Variants in C3 observed in about 807,000 individuals in gnomAD.
C3 encodes the protein C3 and PZP-like alpha-2-macroglobulin domain-containing protein 1.
In C3, 97 loss-of-function variants were observed where a neutral mutation model predicts 207.9. That is an observed-to-expected ratio of 0.47 (90% confidence interval 0.40 to 0.55). The LOEUF is 0.55. Among genes scored for constraint, C3 ranks in the 20% least tolerant of loss-of-function variants. The probability of loss-of-function intolerance (pLI) is 0.00; values close to 1 mark genes in which losing one functional copy is unlikely to be tolerated. For missense variants in C3, 1,684 were observed against 2,171.7 expected (o/e 0.78, Z 4.46); for synonymous variants, 848 against 857.6 (o/e 0.99, Z 0.20).
intron 19 of C3, among the ~76,000 whole-genome samples, chr19:6,701,316 A>T (rs748710463): frequency 9.9e-5 from 15 of 152,254 alleles, no homozygotes; most frequent in South Asian, 2.1e-4. Flanking sequence ...TGCTAATGAG[A>T]CATGCCACGT....
rs551325512 is a variant in C3, at chr19:6,678,690, T to C, written c.4631-235A>G. Among the ~76,000 whole-genome samples, 132 of 152,138 alleles carry C rather than the reference T, an allele frequency of 8.7e-4. 1 individual carries two copies. The highest frequency in any genetic ancestry group is 3.4e-3 in the Middle Eastern group (1 of 294). ...GCACAGAGGTCACAGCCACCCACAA[T>C]GTCTAGTAACATACTATTCATACTA... is the stretch of plus-strand genomic sequence containing the variant. On this transcript the variant is annotated intron_variant, in intron 38 of 40. Coordinates refer to ENST00000245907, the MANE Select transcript of C3 (RefSeq NM_000064.4).
At chr19:6,702,270 G>A in intron 18 of C3, 58 bp from the exon 19 acceptor site, 2 of 1,189,014 alleles carry the variant, frequency 1.7e-6, no homozygotes, top group Non-Finnish European at 2.5e-6. Context: ...TGGTAGAGGG[G>A]AAGAACTGGT....
At chr19:6,693,719 G>T (rs533034315) in intron 24 of C3, among the ~76,000 whole-genome samples, 59 of 151,674 alleles carry the variant, frequency 3.9e-4, no homozygotes, top group Admixed American at 2.7e-3. Context: ...GATATTGAGG[G>T]TGGGGGGCTT....
chr19:6,697,940 A>T, intron 19 of C3, 146 bp from the exon 20 acceptor site: 2 of 658,408 alleles, frequency 3.0e-6, no homozygotes, highest in Non-Finnish European at 2.7e-6. Context: ...AACGCTGTCA[A>T]TGGCGACAAA....
At chr19:6,701,439 TA>T (rs1032256501) in intron 19 of C3, among the ~76,000 whole-genome samples, 1 of 152,156 alleles carries the variant, frequency 6.6e-6, no homozygotes, top group South Asian at 2.1e-4. Context: ...AAGAGTCTCA[TA>T]AAAAGAGTCT....
rs765821415 is a variant in C3 at position 6,714,389 on chromosome 19, C to A, written c.562G>T (p.Val188Phe). 1 of 1,613,726 alleles carries A rather than the reference C, an allele frequency of 6.2e-7. No homozygotes were observed. Among genetic ancestry groups the A allele is most frequent in the African/African-American group, 1.3e-5 (1 of 74,926 alleles). The change falls in exon 5 of 41, where the codon GTC (valine) becomes TTC (phenylalanine). Residue 188 changes from valine to phenylalanine, a missense_variant. Physicochemically the swap from Val to Phe is conservative, Grantham distance 50. Transcript: ENST00000245907. ...DSLSSQNQLGVLPLSWDIPEL... is the reference protein window; with the variant it reads ...DSLSSQNQLGFLPLSWDIPEL... Reference sequence around the variant, plus strand: ...GGAATGTCCCAAGACAAGGGCAAGACGCCAAGCTGGTTCTGAGAAGACAAG... The same window carrying A: ...GGAATGTCCCAAGACAAGGGCAAGAAGCCAAGCTGGTTCTGAGAAGACAAG...
At chr19:6,693,371 G>A (rs1918216399) in intron 25 of C3, 41 bp downstream of exon 25, 1 of 1,566,876 alleles carries the variant, frequency 6.4e-7, no homozygotes, top group Non-Finnish European at 8.7e-7. Context: ...GGGGTTGAGG[G>A]TGGGGAGTAT....
Position 6,677,779 on chromosome 19 carries a change from A to C in C3, c.*103T>G, listed in dbSNP as rs758259667. The C allele has an allele frequency of 2.1e-5, 29 of 1,406,178 alleles. No homozygotes were observed. Among genetic ancestry groups the C allele is most frequent in the Admixed American group, 1.1e-4 (6 of 56,254 alleles). 87.1% of individuals were successfully genotyped at this position (1,406,178 alleles called of 1,614,324 possible). On this transcript the variant is annotated 3_prime_UTR_variant, in exon 41 of 41. Coordinates refer to ENST00000245907, the MANE Select transcript of C3 (RefSeq NM_000064.4). ...TTCAAGTAGGATGGAGCTGAGCTGC[A>C]GGTGAGGCGGCTGGGGATTTCAGCC...
At position 6,696,376 on chromosome 19, in the gene C3, C is replaced by T. The variant is rs1464088375; in HGVS notation, c.2950+3G>A. The T allele has an allele frequency of 6.2e-7, 1 of 1,605,996 alleles. No homozygotes were observed. Among genetic ancestry groups the T allele is most frequent in the African/African-American group, 1.3e-5 (1 of 74,776 alleles). On this transcript the variant is annotated splice_donor_region_variant and intron_variant, in intron 23 of 40. Coordinates refer to ENST00000245907, the MANE Select transcript of C3 (RefSeq NM_000064.4). ...CATGGGGTCGGGGTCAAGGGTGTCTCACCTTGCAGGAGAATTCTGGTCTCA... is the reference window on the plus strand; with the variant it reads ...CATGGGGTCGGGGTCAAGGGTGTCTTACCTTGCAGGAGAATTCTGGTCTCA...
chr19:6,713,103 G>A (rs758821333), intron 9 of C3, 86 bp downstream of exon 9: 2 of 1,526,934 alleles, frequency 1.3e-6, no homozygotes, highest in Non-Finnish European at 1.8e-6. Context: ...TCCCTCCTTA[G>A]ACTAGGCTTT....
chr19:6,707,867 G>A lies in C3; in HGVS notation c.1908C>T (p.Ala636=), dbSNP rs757684194. ...TCAGCCCTGCGTCGGAGAAGACACC[G>A]GCGTAATCCTTCCCACTGCCCGGGG... ...GCTPGSGKDY[A]GVFSDAGLTF... The change falls in exon 15 of 41, where the codon GCC becomes GCT. Residue 636 remains alanine, a synonymous_variant. Coordinates refer to ENST00000245907, the MANE Select transcript of C3 (RefSeq NM_000064.4). The A allele has an allele frequency of 1.2e-5, 19 of 1,613,862 alleles. No individual in the cohort carries two copies. Among genetic ancestry groups the A allele is most frequent in the Admixed American group, 1.7e-5 (1 of 59,990 alleles).
Position 6,677,759 on chromosome 19 carries a change from G to T in C3, c.*123C>A. On this transcript the variant is annotated 3_prime_UTR_variant, in exon 41 of 41. Transcript: ENST00000245907. ...GCGGTGGGAACAGGTGAGGTTTCAAGTAGGATGGAGCTGAGCTGCAGGTGA... is the reference window on the plus strand; with the variant it reads ...GCGGTGGGAACAGGTGAGGTTTCAATTAGGATGGAGCTGAGCTGCAGGTGA... 3.3e-6 allele frequency: 4 copies of T among 1,229,084 alleles called. No homozygotes were observed. Among genetic ancestry groups the T allele is most frequent in the East Asian group, 2.4e-5 (1 of 41,510 alleles). 76.1% of individuals were successfully genotyped at this position (1,229,084 alleles called of 1,614,324 possible).
rs1390001807 is a variant in C3 at position 6,678,283 on chromosome 19, C to T, written c.4719G>A (p.Ser1573=). The change falls in exon 40 of 41, where the codon TCG becomes TCA. Residue 1573 remains serine, a synonymous_variant. Coordinates refer to ENST00000245907, the MANE Select transcript of C3 (RefSeq NM_000064.4). Reference sequence around the variant, plus strand: ...GCTGCTGTCCAACCTGCACCTCATCCGAGCCTGGAGTGGAGGGGAGAGGGA... The same window carrying T: ...GCTGCTGTCCAACCTGCACCTCATCTGAGCCTGGAGTGGAGGGGAGAGGGA... ...MAIEQTIKSG[S]DEVQVGQQRT... is the part of the protein sequence containing the mutation. 5.0e-6 allele frequency: 8 copies of T among 1,613,954 alleles called. No homozygotes were observed. The highest frequency in any genetic ancestry group is 2.7e-5 in the African/African-American group (2 of 74,860).
At chr19:6,685,406 T>C (rs1207041144) in intron 29 of C3, among the ~76,000 whole-genome samples, 1 of 152,094 alleles carries the variant, frequency 6.6e-6, no homozygotes, top group Non-Finnish European at 1.5e-5. Context: ...AATGTAAGAC[T>C]GAATGTCTAG....
Position 6,712,259 on chromosome 19 carries a change from T to C in C3, c.1267A>G (p.Thr423Ala), listed in dbSNP as rs1362513085. ...THPSQKPLSI[T>A]VRTKKQELSE... The stretch of plus-strand genomic sequence containing the variant: ...TCCGAGGCTGGGCCCAGACGCACCG[T>C]GATGCTCAAGGGCTTCTGGCTGGGG... Residue 423 changes from threonine (T) to alanine (A), a missense_variant and splice_region_variant, in exon 11 of 41, where the codon ACG (threonine) becomes GCG (alanine). By Grantham distance (58) the Thr-to-Ala change is moderately conservative. This residue lies in a region of C3 where 1,280 missense variants were observed against 1,739.1 expected (regional missense o/e 0.74). Coordinates refer to ENST00000245907, the MANE Select transcript of C3 (RefSeq NM_000064.4). 6.2e-7 allele frequency: 1 copy of C among 1,613,678 alleles called. No individual in the cohort carries two copies. The highest frequency in any genetic ancestry group is 8.5e-7 in the Non-Finnish European group (1 of 1,179,998).
chr19:6,720,513 C>T lies in C3; in HGVS notation c.74+3G>A. ...GTTTGTGGGTAGAGTCATAACCACT[C>T]ACATGGGACTCCCCAGAGCCAGGGG... On this transcript the variant is annotated splice_donor_region_variant and intron_variant, in intron 1 of 40. Coordinates refer to ENST00000245907, the MANE Select transcript of C3 (RefSeq NM_000064.4). 1 of 1,586,582 alleles carries T rather than the reference C, an allele frequency of 6.3e-7. No homozygotes were observed. The highest frequency in any genetic ancestry group is 8.6e-7 in the Non-Finnish European group (1 of 1,165,606).
chr19:6,719,159 G>T lies in C3; in HGVS notation c.267+52C>A. On this transcript the variant is annotated intron_variant, in intron 2 of 40. Transcript: ENST00000245907. This position sits in a 1 kb window ranked among gnomAD's most constrained non-coding sequence, Gnocchi z 5.4. ...GGGGAGGGGCTCAGGAGGAGGGGGG[G>T]AGTGGGCGTGGCTGTGGGTGTCAGC... 4 of 1,468,868 alleles carry T rather than the reference G, an allele frequency of 2.7e-6. No homozygotes were observed. Among genetic ancestry groups the T allele is most frequent in the Non-Finnish European group, 2.9e-6 (3 of 1,048,010 alleles). The allele number at this position is 1,468,868 out of a possible 1,614,324, so 91.0% of individuals were successfully genotyped here. A position where few individuals can be genotyped will look rare whatever the true frequency, so the allele number is the denominator to read the frequency against.
At position 6,711,084 on chromosome 19, in the gene C3, A is replaced by G. The variant is rs772631376; in HGVS notation, c.1382T>C (p.Leu461Pro). The change falls in exon 12 of 41, where the codon CTA (leucine) becomes CCA (proline). Residue 461 changes from leucine (L) to proline (P), a missense_variant. Physicochemically the swap from Leu to Pro is moderately conservative, Grantham distance 98. This residue lies in a region of C3 where 1,280 missense variants were observed against 1,739.1 expected (regional missense o/e 0.74). Transcript: ENST00000245907. Reference protein sequence around the residue: ...NSNNYLHLSVLRTELRPGETL... With the variant: ...NSNNYLHLSVPRTELRPGETL... The stretch of plus-strand genomic sequence containing the variant: ...CTCCCCGGGTCTGAGCTCTGTACGT[A>G]GCACTGAGAGATGCAGGTAATTGTT... 2.5e-6 allele frequency: 4 copies of G among 1,614,082 alleles called. No homozygotes were observed. The highest frequency in any genetic ancestry group is 3.4e-6 in the Non-Finnish European group (4 of 1,179,982).
Position 6,677,986 on chromosome 19 carries a change from G to T in C3, c.4888C>A (p.His1630Asn), listed in dbSNP as rs931697966. 1 of 1,614,166 alleles carries T rather than the reference G, an allele frequency of 6.2e-7. No individual in the cohort carries two copies. Among genetic ancestry groups the T allele is most frequent in the South Asian group, 1.1e-5 (1 of 91,084 alleles). The change falls in exon 41 of 41, where the codon CAC (histidine) becomes AAC (asparagine). Residue 1630 changes from histidine (H) to asparagine (N), a missense_variant. His to Asn is a moderately conservative substitution (Grantham distance 68). This residue lies in a region of C3 where 346 missense variants were observed against 380.1 expected (regional missense o/e 0.91). Transcript: ENST00000245907. The stretch of plus-strand genomic sequence containing the variant: ...TGGCATTCGTCCTCCTCGGGCCAGT[G>T]CTCCACCCAAGTGTCCTTCCCGATG... ...YIIGKDTWVE[H>N]WPEEDECQDE... is the part of the protein sequence containing the mutation.
Sources: allele counts gnomAD v4.1 joint callset (sites outside exome capture counted in the v4.1 genomes callset), GRCh38; gene constraint gnomAD v4.1.1; regional missense constraint gnomAD v4.1.1; non-coding constraint Gnocchi (gnomAD v3.1); transcripts MANE v1.5; gene names NCBI Gene and HGNC (gene_info 2026-07-23, HGNC 2026-07-21).